ZNF207: variants seen among roughly 807,000 people sequenced by gnomAD.
The protein encoded by ZNF207 is zinc finger protein 207.
A neutral mutation model predicts 60.2 loss-of-function variants in ZNF207; 24 were observed. The observed-to-expected ratio is 0.40, with a 90% CI of 0.29 to 0.56. ZNF207 has a LOEUF of 0.56. ZNF207 is among the 20% of genes least tolerant of loss of function. ZNF207 has a pLI of 0.49. For synonymous variants in ZNF207, 236 were observed against 194.7 expected (o/e 1.21, Z -1.77); for missense variants, 452 against 636.6 (o/e 0.71, Z 3.12).
At position 32,351,683 on chromosome 17, in the gene ZNF207, C is replaced by A. The variant is rs565608045; in HGVS notation, c.42-103C>A. On this transcript the variant is annotated intron_variant, in intron 1 of 11. Transcript: ENST00000394670. ...AAAAAGCAGAGTTTCTATACAGTAC[C>A]ATTTTGGTTTTAGCTGTTCCCATAT... The A allele has an allele frequency of 4.2e-5, 68 of 1,606,974 alleles. No homozygotes were observed. The African/African-American group carries it at 9.0e-4, about 21-fold the overall frequency.
At position 32,350,227 on chromosome 17, in the gene ZNF207, T is replaced by G. The variant is rs762737129; in HGVS notation, c.-59T>G. 5.6e-6 allele frequency: 9 copies of G among 1,611,336 alleles called. No individual in the cohort carries two copies. Among genetic ancestry groups the G allele is most frequent in the Non-Finnish European group, 7.6e-6 (9 of 1,177,640 alleles). ...TTGGGTTGGGAAAGTGAGGGATTTT[T>G]GGCCTCGTTTCTCCTGCTTCTTTTC... On this transcript the variant is annotated 5_prime_UTR_variant, in exon 1 of 12. Transcript: ENST00000394670.
Position 32,372,180 on chromosome 17 carries a change from G to C in ZNF207, c.*2421G>C, listed in dbSNP as rs2150805735. On this transcript the variant is annotated 3_prime_UTR_variant, in exon 12 of 12. Transcript: ENST00000394670. ...CTGGGCGTAGTTGCGGATGCCTGTA[G>C]TCCCAACTACTCTGGAGACCGAGGC... The C allele has an allele frequency of 6.6e-6, 1 of 152,436 alleles. No individual in the cohort carries two copies. Among genetic ancestry groups the C allele is most frequent in the Middle Eastern group, 3.4e-3 (1 of 298 alleles). The allele number at this position is 152,436 out of a possible 1,614,324, so 9.4% of individuals were successfully genotyped here. A position where few individuals can be genotyped will look rare whatever the true frequency, so the allele number is the denominator to read the frequency against.
intron 5 of ZNF207, 61 bp downstream of exon 5, chr17:32,361,028 G>T: frequency 6.5e-7 from 1 of 1,537,370 alleles, no homozygotes; most frequent in Admixed American, 1.8e-5. Context: ...TTTTCAATTT[G>T]GATGTTATAT....
In ZNF207 at chr17:32,362,916, T is replaced by G; in HGVS notation, c.602T>G (p.Met201Arg). ...YTQSFCGENI[M>R]MPMGGMMPPG... is the part of the protein sequence containing the mutation. ...TCTTGAAATTTGCTTTCTAATAGAA[T>G]GATGCCAATGGGTGGAATGATGCCA... is the stretch of plus-strand genomic sequence containing the variant. Residue 201 changes from methionine to arginine, a missense_variant and splice_region_variant, in exon 7 of 12, where the codon ATG becomes AGG. Around this residue, in one of 2 missense-constraint regions of ZNF207, gnomAD observed 390 missense variants for 461.4 expected, o/e 0.85. Coordinates refer to ENST00000394670, the MANE Select transcript of ZNF207 (RefSeq NM_001098507.2). 2 of 1,613,308 alleles carry G rather than the reference T, an allele frequency of 1.2e-6. No individual in the cohort carries two copies. Among genetic ancestry groups the G allele is most frequent in the Non-Finnish European group, 1.7e-6 (2 of 1,179,922 alleles).
chr17:32,361,094 T>C (rs1278663752), intron 5 of ZNF207, 127 bp downstream of exon 5: 3 of 950,084 alleles, frequency 3.2e-6, no homozygotes, highest in Non-Finnish European at 3.2e-6. Context: ...TCTATATATC[T>C]TGTCTAATAA....
rs140607845 is a variant in ZNF207 at position 32,379,401 on chromosome 17, C to T, written c.*9642C>T. 1.5e-4 allele frequency: 23 copies of T among 152,104 alleles called. No homozygotes were observed. In the East Asian group the frequency reaches 3.9e-3, roughly 26 times the overall value. 9.4% of individuals were successfully genotyped at this position (152,104 alleles called of 1,614,324 possible). On this transcript the variant is annotated 3_prime_UTR_variant, in exon 12 of 12. Coordinates refer to ENST00000394670, the MANE Select transcript of ZNF207 (RefSeq NM_001098507.2). Reference sequence around the variant, plus strand: ...AATTTGCTAGTTCACTTTTTTCTGACCTTCACTTAACAGACTATAAATACA... The same window carrying T: ...AATTTGCTAGTTCACTTTTTTCTGATCTTCACTTAACAGACTATAAATACA...
Position 32,358,565 on chromosome 17 carries a change from G to A in ZNF207, c.231G>A (p.Leu77=). Residue 77 remains leucine (L), a synonymous_variant, in exon 3 of 12, where the codon TTG becomes TTA. Coordinates refer to ENST00000394670, the MANE Select transcript of ZNF207 (RefSeq NM_001098507.2). The part of the protein sequence containing the change: ...NAIPGRTDIE[L]EIYGMEGIPE... ...TACCTGGAAGAACAGACATAGAGTT[G>A]GAAATATATGGTATGGAAGGTATTC... 6.4e-7 allele frequency: 1 copy of A among 1,565,772 alleles called. No homozygotes were observed. Among genetic ancestry groups the A allele is most frequent in the South Asian group, 1.3e-5 (1 of 79,562 alleles).
chr17:32,357,717 C>T (rs886082175), intron 2 of ZNF207, among the ~76,000 whole-genome samples: 12 of 151,998 alleles, frequency 7.9e-5, no homozygotes, highest in African/African-American at 2.9e-4. Flanking sequence ...CTCACTGCAA[C>T]CTCTGCCTCC....
At position 32,371,105 on chromosome 17, in the gene ZNF207, CTTG is replaced by C. The variant is rs1567828888; in HGVS notation, c.*1350_*1352del. 1 of 152,206 alleles carries C rather than the reference CTTG, an allele frequency of 6.6e-6. No homozygotes were observed. Among genetic ancestry groups the C allele is most frequent in the East Asian group, 1.9e-4 (1 of 5,188 alleles). 9.4% of individuals were successfully genotyped at this position (152,206 alleles called of 1,614,324 possible). On this transcript the variant is annotated 3_prime_UTR_variant, in exon 12 of 12. Transcript: ENST00000394670. ...GTTGCAACCTCTTAAAATAATAGCTCTTGTTGACCTTTTTGGGATCTGTTTTTC... is the reference window on the plus strand; with the variant it reads ...GTTGCAACCTCTTAAAATAATAGCTCTTGACCTTTTTGGGATCTGTTTTTC...
At position 32,376,864 on chromosome 17, in the gene ZNF207, A is replaced by C. The variant is rs1468838348; in HGVS notation, c.*7105A>C. On this transcript the variant is annotated 3_prime_UTR_variant, in exon 12 of 12. Coordinates refer to ENST00000394670, the MANE Select transcript of ZNF207 (RefSeq NM_001098507.2). ...TTAATTCTAAATGATGTAATGGTCT[A>C]TAAGGTAGTAATCTGGCACAGCTTC... The C allele has an allele frequency of 1.3e-5, 2 of 152,090 alleles. No individual in the cohort carries two copies. Among genetic ancestry groups the C allele is most frequent in the African/African-American group, 4.8e-5 (2 of 41,448 alleles). 9.4% of individuals were successfully genotyped at this position (152,090 alleles called of 1,614,324 possible).
At position 32,369,341 on chromosome 17, in the gene ZNF207, G is replaced by A. The variant is rs745863928; in HGVS notation, c.1211G>A (p.Arg404Gln). The A allele has an allele frequency of 5.6e-6, 9 of 1,613,896 alleles. No homozygotes were observed. In the East Asian group the frequency reaches 1.3e-4, roughly 24 times the overall value. ...CCTAAGTATCAACGTAATCTTCCTC[G>A]GCCAGGACAGGCCCCCATCGGTAAT... ...QLPKYQRNLPRPGQAPIGNPP... is the reference protein window; with the variant it reads ...QLPKYQRNLPQPGQAPIGNPP... Residue 404 changes from arginine to glutamine, a missense_variant, in exon 11 of 12, where the codon CGG becomes CAG. Physicochemically the swap from Arg to Gln is conservative, Grantham distance 43. This residue lies in a region of ZNF207 where 390 missense variants were observed against 461.4 expected (regional missense o/e 0.85). Coordinates refer to ENST00000394670, the MANE Select transcript of ZNF207 (RefSeq NM_001098507.2).
chr17:32,365,318 T>C lies in ZNF207; in HGVS notation c.671-12T>C. 6.2e-7 allele frequency: 1 copy of C among 1,600,314 alleles called. No homozygotes were observed. The highest frequency in any genetic ancestry group is 8.5e-7 in the Non-Finnish European group (1 of 1,172,806). On this transcript the variant is annotated splice_polypyrimidine_tract_variant and intron_variant, in intron 7 of 11. Coordinates refer to ENST00000394670, the MANE Select transcript of ZNF207 (RefSeq NM_001098507.2). The stretch of plus-strand genomic sequence containing the variant: ...CAGTGACTCAATTTCCCCAAACATT[T>C]CTTCTCTGCAGGTATGCCCCCACCT...
chr17:32,369,636 C>T lies in ZNF207; in HGVS notation c.1362C>T (p.Tyr454=), dbSNP rs1905374887. 6.3e-7 allele frequency: 1 copy of T among 1,577,656 alleles called. No individual in the cohort carries two copies. Among genetic ancestry groups the T allele is most frequent in the Non-Finnish European group, 8.6e-7 (1 of 1,161,988 alleles). ...GTCATCATCAAGGCATGCCAGGATA[C>T]CTTCCTGGTGCTATGCCCCCGTATG... ...YGGHHQGMPG[Y]LPGAMPPYGQ... Residue 454 remains tyrosine (Y), a synonymous_variant, in exon 12 of 12, where the codon TAC becomes TAT. Transcript: ENST00000394670.
Position 32,360,977 on chromosome 17 carries a change from T to A in ZNF207, c.551+10T>A, listed in dbSNP as rs756539825. 4 of 1,611,850 alleles carry A rather than the reference T, an allele frequency of 2.5e-6. No individual in the cohort carries two copies. The Admixed American group carries it at 5.0e-5, about 20-fold the overall frequency. ...CAGGCATGCCACCTGGGTAAGAAAA[T>A]TCTTTTAATTGCCCTGTAGGCTTGT... On this transcript the variant is annotated intron_variant, in intron 5 of 11. Coordinates refer to ENST00000394670, the MANE Select transcript of ZNF207 (RefSeq NM_001098507.2).
At chr17:32,355,973 T>C (rs550316819) in intron 2 of ZNF207, among the ~76,000 whole-genome samples, 2 of 152,286 alleles carry the variant, frequency 1.3e-5, no homozygotes, top group African/African-American at 4.8e-5. Flanking sequence ...AGTTGCACTT[T>C]ATGAAGAGCA....
At chr17:32,368,843 TA>T (rs1207707906) in intron 10 of ZNF207, 1 of 155,810 alleles carries the variant, frequency 6.4e-6, no homozygotes, top group Non-Finnish European at 1.4e-5. Context: ...CCATCTCTCC[TA>T]AAAATACAGA....
At chr17:32,354,875 A>G (rs1225883368) in intron 2 of ZNF207, among the ~76,000 whole-genome samples, 2 of 152,152 alleles carry the variant, frequency 1.3e-5, no homozygotes, top group Non-Finnish European at 2.9e-5. Flanking sequence ...TGGCCTCCCA[A>G]AGTGCTGGGA....
At position 32,365,417 on chromosome 17, in the gene ZNF207, C is replaced by T. The variant is rs775730086; in HGVS notation, c.758C>T (p.Pro253Leu). Residue 253 changes from proline to leucine, a missense_variant, in exon 8 of 12, where the codon CCT becomes CTT. By Grantham distance (98) the Pro-to-Leu change is moderately conservative. Transcript: ENST00000394670. The stretch of plus-strand genomic sequence containing the variant: ...GCGCCAGGTATTCTTAATAGACCAC[C>T]TGCACCAACAGCAACTGTACCTGCC... ...VSAPGILNRP[P>L]APTATVPAPQ... 7 of 1,614,018 alleles carry T rather than the reference C, an allele frequency of 4.3e-6. No individual in the cohort carries two copies. Among genetic ancestry groups the T allele is most frequent in the Non-Finnish European group, 5.9e-6 (7 of 1,180,024 alleles).
At chr17:32,362,652 A>G (rs1197468719) in intron 6 of ZNF207, 8 of 352,756 alleles carry the variant, frequency 2.3e-5, no homozygotes, top group Non-Finnish European at 3.1e-5. Context: ...TATTGAGAGT[A>G]TATTTGTTCT....
Sources: gnomAD v4.1 joint callset for allele counts (sites outside exome capture counted in the v4.1 genomes callset) on GRCh38, gnomAD v4.1.1 for gene constraint, gnomAD v4.1.1 regional missense constraint, MANE v1.5 for transcripts, NCBI Gene and HGNC (gene_info 2026-07-23, HGNC 2026-07-21) for gene names.